VAV3: variants seen among roughly 807,000 people sequenced by gnomAD.
VAV3 encodes guanine nucleotide exchange factor VAV3.
VAV3 carries 94 observed loss-of-function variants against 131.2 expected under a neutral mutation model. The observed-to-expected ratio is 0.72, with a 90% CI of 0.61 to 0.85. VAV3 has a LOEUF of 0.85. Among genes scored for constraint, VAV3 ranks in the 40% least tolerant of loss-of-function variants. The pLI, the probability that VAV3 is intolerant of heterozygous loss-of-function variation, is 0.00. For missense variants in VAV3, 939 were observed against 1,002.7 expected, an observed-to-expected ratio of 0.94 and a Z score of 0.86; for synonymous variants, 349 against 342.0, an observed-to-expected ratio of 1.02 and a Z score of -0.22.
intron 17 of VAV3, among the ~76,000 whole-genome samples, chr1:107,702,634 T>C (rs2504468): frequency 0.34 from 51,720 of 151,918 alleles, 9,984 homozygotes; most frequent in African/African-American, 0.53. Context: ...GAATTTTCAA[T>C]GATTTCCTAT....
chr1:107,831,153 C>T (rs533328644), intron 2 of VAV3, among the ~76,000 whole-genome samples: 9 of 151,332 alleles, frequency 5.9e-5, no homozygotes, highest in Non-Finnish European at 1.3e-4. Flanking sequence ...CAAAAATTTT[C>T]GGGTTTTGTG....
chr1:107,830,181 T>C (rs774949304), intron 2 of VAV3, among the ~76,000 whole-genome samples: 1 of 152,112 alleles, frequency 6.6e-6, no homozygotes, highest in Non-Finnish European at 1.5e-5. Flanking sequence ...TCATGCACTA[T>C]TTAGTGAATA....
intron 25 of VAV3, among the ~76,000 whole-genome samples, chr1:107,589,816 A>G (rs929957040): frequency 6.6e-6 from 1 of 152,180 alleles, no homozygotes; most frequent in African/African-American, 2.4e-5. Context: ...ATGGTTAGGA[A>G]CCTGTACGAA....
intron 2 of VAV3, among the ~76,000 whole-genome samples, chr1:107,862,240 A>T (rs2100987011): frequency 6.6e-6 from 1 of 151,666 alleles, no homozygotes; most frequent in South Asian, 2.1e-4. Flanking sequence ...ACTGCCAAGC[A>T]TTGTTTCCTG....
intron 19 of VAV3, among the ~76,000 whole-genome samples, chr1:107,671,045 G>C (rs1172889915): frequency 3.3e-5 from 5 of 152,206 alleles, no homozygotes; most frequent in Non-Finnish European, 5.9e-5. Context: ...AAATGGCAAA[G>C]TTTCTTCCTC....
At chr1:107,754,185 T>C (rs1663955304) in intron 12 of VAV3, among the ~76,000 whole-genome samples, 1 of 152,266 alleles carries the variant, frequency 6.6e-6, no homozygotes, top group African/African-American at 2.4e-5. Context: ...TTAAATATCA[T>C]GCCAAGGAAT....
rs1664362602 is a variant in VAV3 at position 107,760,725 on chromosome 1, C to CT, written c.1017+58_1017+59insA. ...AATATCTGCAATGTAGTTGATGCTT[C>CT]ATTAATATTTTGTTGAGTGAATAAA... On this transcript the variant is annotated intron_variant, in intron 10 of 26. Transcript: ENST00000370056. 7.4e-6 allele frequency: 10 copies of CT among 1,342,988 alleles called. No homozygotes were observed. In the South Asian group the frequency reaches 1.2e-4, roughly 17 times the overall value. The allele number at this position is 1,342,988 out of a possible 1,614,324, so 83.2% of individuals were successfully genotyped here. A position where few individuals can be genotyped will look rare whatever the true frequency, so the allele number is the denominator to read the frequency against.
In VAV3 at chr1:107,657,202, G is replaced by A. The variant is rs187680493; in HGVS notation, c.1778-14447C>T. On this transcript the variant is annotated intron_variant, in intron 19 of 26. Coordinates refer to ENST00000370056, the MANE Select transcript of VAV3 (RefSeq NM_006113.5). Reference sequence around the variant, plus strand: ...ACTCCTGACCTCAAGTGATCCGCCCGTCTCGGCCTCCCAAAGTGCTGGCAT... The same window carrying A: ...ACTCCTGACCTCAAGTGATCCGCCCATCTCGGCCTCCCAAAGTGCTGGCAT... 2.4e-4 allele frequency among the ~76,000 whole-genome samples: 36 copies of A among 152,060 alleles called. 1 individual carries two copies. In the South Asian group the frequency reaches 3.9e-3, roughly 17 times the overall value.
intron 2 of VAV3, among the ~76,000 whole-genome samples, chr1:107,783,582 G>T (rs1570948280): frequency 2.6e-5 from 4 of 152,212 alleles, no homozygotes; most frequent in East Asian, 3.9e-4. Context: ...TGTTCTCTCT[G>T]TGTCTTCTAC....
intron 24 of VAV3, among the ~76,000 whole-genome samples, chr1:107,599,742 G>C (rs1167236981): frequency 2.6e-5 from 4 of 151,496 alleles, no homozygotes; most frequent in Non-Finnish European, 5.9e-5. Context: ...AGAAGCTCTG[G>C]AGTTTGCTTA....
At chr1:107,849,032 T>C (rs1470168139) in intron 2 of VAV3, among the ~76,000 whole-genome samples, 1 of 152,084 alleles carries the variant, frequency 6.6e-6, no homozygotes. Flanking sequence ...GAAGGACCTC[T>C]TCAAGGAGAA....
chr1:107,766,736 G>A (rs1315933774), intron 7 of VAV3, among the ~76,000 whole-genome samples, 186 bp from the exon 8 acceptor site: 1 of 151,956 alleles, frequency 6.6e-6, no homozygotes, highest in Non-Finnish European at 1.5e-5. Flanking sequence ...GGGGAGGAAG[G>A]GGAGGAAGCA....
intron 2 of VAV3, among the ~76,000 whole-genome samples, chr1:107,790,599 A>T (rs1185197025): frequency 6.6e-6 from 1 of 151,692 alleles, no homozygotes; most frequent in Non-Finnish European, 1.5e-5. Context: ...TGGGGTGATT[A>T]AGCCTTCTGC....
chr1:107,589,050 C>CT (rs1310350325), intron 25 of VAV3, among the ~76,000 whole-genome samples: 1 of 152,114 alleles, frequency 6.6e-6, no homozygotes, highest in African/African-American at 2.4e-5. Flanking sequence ...ATCTCATTCA[C>CT]TGACTGCCTG....
chr1:107,876,112 A>T (rs1670485015), intron 1 of VAV3, among the ~76,000 whole-genome samples: 1 of 152,170 alleles, frequency 6.6e-6, no homozygotes. Flanking sequence ...GAAGTAGGAA[A>T]ACCAGGAGAT....
At chr1:107,960,505 T>C (rs2101403402) in intron 1 of VAV3, among the ~76,000 whole-genome samples, 1 of 151,600 alleles carries the variant, frequency 6.6e-6, no homozygotes, top group South Asian at 2.1e-4. Context: ...AATCAGGCCA[T>C]GTCACTCCTC....
chr1:107,721,250 T>C (rs2101921027), intron 15 of VAV3, among the ~76,000 whole-genome samples: 1 of 152,286 alleles, frequency 6.6e-6, no homozygotes, highest in Middle Eastern at 3.4e-3. Flanking sequence ...ATATGTCCAT[T>C]CAGCAGAATA....
chr1:107,792,167 C>T (rs1000092313), intron 2 of VAV3, among the ~76,000 whole-genome samples: 3 of 152,192 alleles, frequency 2.0e-5, no homozygotes, highest in Non-Finnish European at 4.4e-5. Flanking sequence ...ACAACTACAG[C>T]ATCTAAACTC....
intron 15 of VAV3, among the ~76,000 whole-genome samples, chr1:107,746,597 T>C (rs1376119719): frequency 2.0e-5 from 3 of 152,158 alleles, no homozygotes; most frequent in Non-Finnish European, 2.9e-5. Context: ...CCTTCTTCCA[T>C]AGTAAAAGAA....
Sources: allele counts gnomAD v4.1 joint callset (sites outside exome capture counted in the v4.1 genomes callset), GRCh38; gene constraint gnomAD v4.1.1; transcripts MANE v1.5; gene names NCBI Gene and HGNC (gene_info 2026-07-23, HGNC 2026-07-21).